Variants in HYCC1 observed in about 807,000 individuals in gnomAD.
HYCC1 encodes hyccin.
the HYCC1 span, among the ~76,000 whole-genome samples, chr7:22,975,219 T>C: frequency 2.9e-4 from 44 of 152,218 alleles, no homozygotes; most frequent in Non-Finnish European, 5.7e-4. Flanking sequence ...GTTTTGTTTC[T>C]CCTTTTTAAA....
chr7:22,930,891 T>C, the HYCC1 span, among the ~76,000 whole-genome samples: 1 of 152,118 alleles, frequency 6.6e-6, no homozygotes, highest in Non-Finnish European at 1.5e-5. Context: ...AACTACATGT[T>C]CGTCTCAATA....
chr7:22,971,399 G>T, the HYCC1 span, among the ~76,000 whole-genome samples: 1 of 150,604 alleles, frequency 6.6e-6, no homozygotes, highest in South Asian at 2.1e-4. Flanking sequence ...GGGGAAACAG[G>T]CCGGGTGTGG....
At chr7:22,939,225 T>C in the HYCC1 span, 1 of 152,250 alleles carries the variant, frequency 6.6e-6, no homozygotes, top group African/African-American at 2.4e-5. Flanking sequence ...CTTATGTTTA[T>C]ATATTTGTGC....
At chr7:22,934,793 G>T in the HYCC1 span, 6 of 152,198 alleles carry the variant, frequency 3.9e-5, no homozygotes, top group Non-Finnish European at 7.3e-5. Context: ...GTGAAATGTT[G>T]TCTGCCAGGG....
chr7:22,983,465 C>T, the HYCC1 span, among the ~76,000 whole-genome samples: 1 of 152,160 alleles, frequency 6.6e-6, no homozygotes, highest in Non-Finnish European at 1.5e-5. Context: ...TCTGAGCCTC[C>T]GTATACTATC....
chr7:22,960,374 C>T, the HYCC1 span: 1 of 1,613,536 alleles, frequency 6.2e-7, no homozygotes, highest in East Asian at 2.2e-5. Flanking sequence ...TATTAGATTT[C>T]ATGGGACCAT....
the HYCC1 span, among the ~76,000 whole-genome samples, chr7:22,912,941 T>C: frequency 6.6e-6 from 1 of 152,132 alleles, no homozygotes; most frequent in East Asian, 1.9e-4. Flanking sequence ...GAGGCCAGCC[T>C]GGATGAAACC....
the HYCC1 span, among the ~76,000 whole-genome samples, chr7:23,004,017 T>C: frequency 2.6e-4 from 40 of 152,392 alleles, no homozygotes; most frequent in Non-Finnish European, 4.4e-4. Flanking sequence ...TAGTTCAGTA[T>C]GACCATGCTG....
At chr7:22,910,690 G>T in the HYCC1 span, among the ~76,000 whole-genome samples, 4 of 152,000 alleles carry the variant, frequency 2.6e-5, no homozygotes, top group Non-Finnish European at 5.9e-5. Flanking sequence ...TCTAAAATGG[G>T]CAAATTTTCA....
the HYCC1 span, among the ~76,000 whole-genome samples, chr7:22,989,158 C>A: frequency 6.6e-6 from 1 of 152,070 alleles, no homozygotes; most frequent in Non-Finnish European, 1.5e-5. Flanking sequence ...TATTTTACTT[C>A]ATCATTAACA....
the HYCC1 span, among the ~76,000 whole-genome samples, chr7:22,927,619 C>T: frequency 6.6e-6 from 1 of 152,180 alleles, no homozygotes; most frequent in Non-Finnish European, 1.5e-5. Flanking sequence ...CATACACTCT[C>T]CCAAGACTAA....
At chr7:22,933,357 T>C in the HYCC1 span, among the ~76,000 whole-genome samples, 1 of 152,194 alleles carries the variant, frequency 6.6e-6, no homozygotes, top group Non-Finnish European at 1.5e-5. Context: ...GTTAGGTGCA[T>C]GCATGTTCAT....
chr7:22,926,476 G>A, the HYCC1 span, among the ~76,000 whole-genome samples: 1 of 152,098 alleles, frequency 6.6e-6, no homozygotes, highest in Admixed American at 6.6e-5. Context: ...CAAAATAAAG[G>A]GATGGAGGAA....
the HYCC1 span, among the ~76,000 whole-genome samples, chr7:22,910,309 A>C: frequency 6.6e-6 from 1 of 152,170 alleles, no homozygotes; most frequent in South Asian, 2.1e-4. Flanking sequence ...TAGTTGGTTA[A>C]AAAGAGCCTG....
At chr7:22,977,494 G>T in the HYCC1 span, 2 of 883,162 alleles carry the variant, frequency 2.3e-6, no homozygotes, top group Non-Finnish European at 3.6e-6. Context: ...AATTTAAATA[G>T]TCTAAAACAT....
At chr7:22,933,888 G>A in the HYCC1 span, among the ~76,000 whole-genome samples, 1 of 152,108 alleles carries the variant, frequency 6.6e-6, no homozygotes, top group African/African-American at 2.4e-5. Flanking sequence ...CACAATGTTA[G>A]CTATTAGATA....
chr7:22,907,545 A>G, the HYCC1 span, among the ~76,000 whole-genome samples: 1 of 152,222 alleles, frequency 6.6e-6, no homozygotes, highest in African/African-American at 2.4e-5. Flanking sequence ...TATCTAAACA[A>G]ATAATCATAA....
chr7:22,968,436 CAT>C, the HYCC1 span, among the ~76,000 whole-genome samples: 1 of 152,180 alleles, frequency 6.6e-6, no homozygotes, highest in Non-Finnish European at 1.5e-5. Flanking sequence ...ACATTGGAAA[CAT>C]AAGCAATCTA....
At chr7:22,930,292 T>C in the HYCC1 span, among the ~76,000 whole-genome samples, 1,464 of 144,110 alleles carry the variant, frequency 0.01, 17 homozygotes, top group African/African-American at 0.019. Context: ...TGTATACATA[T>C]GTAACAAACC....
Sources: gnomAD v4.1 joint callset for allele counts (sites outside exome capture counted in the v4.1 genomes callset) on GRCh38, gnomAD v4.1.1 for gene constraint, MANE v1.5 for transcripts, NCBI Gene and HGNC (gene_info 2026-07-23, HGNC 2026-07-21) for gene names.